KLHL2: variants seen among roughly 807,000 people sequenced by gnomAD.
KLHL2 encodes the protein kelch like family member 2.
Under a neutral mutation model 75.8 loss-of-function variants are expected in KLHL2, and 15 were observed. The observed-to-expected ratio is 0.20, with a 90% CI of 0.13 to 0.30. The LOEUF is 0.30. Ranked by LOEUF, KLHL2 falls within the 10% of genes least tolerant of loss-of-function variation. The probability of loss-of-function intolerance (pLI) is 1.00; values close to 1 mark genes in which losing one functional copy is unlikely to be tolerated. For missense variants in KLHL2, 381 were observed against 741.0 expected (o/e 0.51, Z 5.64); for synonymous variants, 214 against 251.9 (o/e 0.85, Z 1.42).
intron 5 of KLHL2, among the ~76,000 whole-genome samples, chr4:165,290,484 G>C (rs1363348743): frequency 6.6e-6 from 1 of 151,954 alleles, no homozygotes. Context: ...TTGTTTGTTT[G>C]TTTAAATATG....
chr4:165,321,555 A>G (rs1347180379), intron 14 of KLHL2, among the ~76,000 whole-genome samples: 4 of 151,854 alleles, frequency 2.6e-5, no homozygotes, highest in African/African-American at 7.3e-5. Flanking sequence ...GCTATTAGTA[A>G]TTAAATTATG....
intron 11 of KLHL2, among the ~76,000 whole-genome samples, chr4:165,312,233 G>C (rs896149028): frequency 6.6e-6 from 1 of 152,088 alleles, no homozygotes; most frequent in African/African-American, 2.4e-5. Flanking sequence ...CATGGCCTGC[G>C]GTTTGGGGAC....
At position 165,279,458 on chromosome 4, in the gene KLHL2, G is replaced by T. The variant is rs762183375; in HGVS notation, c.545-14901G>T. ...TGTTTTCTCTATACACTCATAGACA[G>T]AATGTAGAATTTCCTTAGGGTCCTG... On this transcript the variant is annotated intron_variant, in intron 5 of 14. Coordinates refer to ENST00000226725, the MANE Select transcript of KLHL2 (RefSeq NM_007246.4). The T allele has an allele frequency of 6.9e-6, 11 of 1,599,554 alleles. No individual in the cohort carries two copies. In the South Asian group the frequency reaches 1.1e-4, roughly 16 times the overall value.
Position 165,321,253 on chromosome 4 carries a change from C to T in KLHL2, c.1754-779C>T. ...TTCCCTTCCACCTCCTCCACCTCTTCTGCCTCTGCCACCCCTGAAACAACA... is the reference window on the plus strand; with the variant it reads ...TTCCCTTCCACCTCCTCCACCTCTTTTGCCTCTGCCACCCCTGAAACAACA... On this transcript the variant is annotated intron_variant, in intron 14 of 14. Transcript: ENST00000226725. The T allele has an allele frequency of 6.6e-6, 3 of 455,904 alleles. No individual in the cohort carries two copies. In the Admixed American group the frequency reaches 7.1e-5, roughly 11 times the overall value. The allele number at this position is 455,904 out of a possible 1,614,324, so 28.2% of individuals were successfully genotyped here. A position where few individuals can be genotyped will look rare whatever the true frequency, so the allele number is the denominator to read the frequency against.
chr4:165,225,043 C>T (rs1441363260), intron 2 of KLHL2, among the ~76,000 whole-genome samples: 1 of 152,174 alleles, frequency 6.6e-6, no homozygotes, highest in Admixed American at 6.5e-5. Context: ...TTAGTATGTT[C>T]AGGCATGTTT....
chr4:165,276,005 G>A (rs542608690), intron 5 of KLHL2, among the ~76,000 whole-genome samples: 11 of 151,688 alleles, frequency 7.3e-5, no homozygotes, highest in African/African-American at 2.7e-4. Flanking sequence ...GCATGTGCTT[G>A]TAGTCCCAGC....
intron 5 of KLHL2, among the ~76,000 whole-genome samples, chr4:165,265,243 CTTGT>C (rs1360422568): frequency 6.6e-6 from 1 of 151,898 alleles, no homozygotes; most frequent in African/African-American, 2.4e-5. Flanking sequence ...TTCTTGCTGA[CTTGT>C]TTGAGTTCCT....
Position 165,207,901 on chromosome 4 carries a change from G to C in KLHL2, c.25G>C (p.Ala9Pro). 7.0e-7 allele frequency: 1 copy of C among 1,432,424 alleles called. No homozygotes were observed. Among genetic ancestry groups the C allele is most frequent in the Non-Finnish European group, 9.2e-7 (1 of 1,085,216 alleles). 88.7% of individuals were successfully genotyped at this position (1,432,424 alleles called of 1,614,324 possible). METPPLPP[A>P]CTKQGHQKPL... ...AATGGAGACGCCGCCGCTGCCTCCCGCGTGAGTGAGCGGGCGGGCGGGCTG... is the reference window on the plus strand; with the variant it reads ...AATGGAGACGCCGCCGCTGCCTCCCCCGTGAGTGAGCGGGCGGGCGGGCTG... The change falls in exon 1 of 15, where the codon GCA (alanine) becomes CCA (proline). Residue 9 changes from alanine (A) to proline (P), a missense_variant and splice_region_variant. By Grantham distance (27) the Ala-to-Pro change is conservative. Around this residue, in one of 5 missense-constraint regions of KLHL2, gnomAD observed 48 missense variants for 88.9 expected, o/e 0.54. Coordinates refer to ENST00000226725, the MANE Select transcript of KLHL2 (RefSeq NM_007246.4). This position sits in a 1 kb window ranked among gnomAD's most constrained non-coding sequence, Gnocchi z 4.2.
At chr4:165,318,083 A>G in intron 14 of KLHL2, 114 bp downstream of exon 14, 1 of 919,548 alleles carries the variant, frequency 1.1e-6, no homozygotes, top group Middle Eastern at 2.2e-4. Context: ...GGTATAGTTT[A>G]TATCTTATTC....
At chr4:165,227,723 G>A (rs1403106288) in intron 2 of KLHL2, among the ~76,000 whole-genome samples, 2 of 152,096 alleles carry the variant, frequency 1.3e-5, no homozygotes, top group Non-Finnish European at 2.9e-5. Flanking sequence ...CATCAGCAAC[G>A]TTTTCTGTTA....
At chr4:165,242,400 T>G (rs1739885597) in intron 4 of KLHL2, among the ~76,000 whole-genome samples, 1 of 152,242 alleles carries the variant, frequency 6.6e-6, no homozygotes, top group African/African-American at 2.4e-5. Context: ...GCACAAAGTT[T>G]TGCATACATT....
At chr4:165,255,934 C>T (rs1286561320) in intron 4 of KLHL2, among the ~76,000 whole-genome samples, 1 of 152,038 alleles carries the variant, frequency 6.6e-6, no homozygotes, top group Non-Finnish European at 1.5e-5. Flanking sequence ...GCTAATGGCT[C>T]AGGATTTAAA....
chr4:165,300,849 A>G (rs1394616150), intron 8 of KLHL2, among the ~76,000 whole-genome samples: 1 of 152,024 alleles, frequency 6.6e-6, no homozygotes, highest in African/African-American at 2.4e-5. Flanking sequence ...TGTCCTTTCC[A>G]TTGAATTGTT....
chr4:165,318,796 T>A lies in KLHL2; in HGVS notation c.1753+827T>A, dbSNP rs538428388. Among the ~76,000 whole-genome samples, 855 of 151,708 alleles carry A rather than the reference T, an allele frequency of 5.6e-3. 11 individuals are homozygous for A. The highest frequency in any genetic ancestry group is 0.019 in the African/African-American group (792 of 41,220). On this transcript the variant is annotated intron_variant, in intron 14 of 14. Transcript: ENST00000226725. ...TTTTTCAATAATTATGTTGGAAAAA[T>A]TTTTTTGGAGATTGGTAACAGTTTG...
chr4:165,252,608 A>G (rs1312695781), intron 4 of KLHL2: 7 of 152,228 alleles, frequency 4.6e-5, no homozygotes, highest in Non-Finnish European at 4.4e-5. Flanking sequence ...TATCATAGCC[A>G]ATGAGGTTTA....
intron 1 of KLHL2, chr4:165,210,292 A>G (rs1030912009): frequency 6.5e-6 from 7 of 1,080,622 alleles, no homozygotes; most frequent in Middle Eastern, 2.0e-4. Flanking sequence ...CCAAATTTAC[A>G]TTGTTCTCAG....
Position 165,322,140 on chromosome 4 carries a change from A to C in KLHL2, c.*80A>C, listed in dbSNP as rs1747032732. The stretch of plus-strand genomic sequence containing the variant: ...TTTGTGAAGTGACTGAGAATCTAGC[A>C]CTTCTCCACTTGTAGCTGCACTTTA... On this transcript the variant is annotated 3_prime_UTR_variant, in exon 15 of 15. Transcript: ENST00000226725. 2 of 1,257,916 alleles carry C rather than the reference A, an allele frequency of 1.6e-6. No homozygotes were observed. Among genetic ancestry groups the C allele is most frequent in the Non-Finnish European group, 2.3e-6 (2 of 856,680 alleles). The allele number at this position is 1,257,916 out of a possible 1,614,324, so 77.9% of individuals were successfully genotyped here. A position where few individuals can be genotyped will look rare whatever the true frequency, so the allele number is the denominator to read the frequency against.
chr4:165,282,220 A>G (rs976005630), intron 5 of KLHL2, among the ~76,000 whole-genome samples: 13 of 152,236 alleles, frequency 8.5e-5, no homozygotes, highest in Admixed American at 7.2e-4. Context: ...CATTTTAGGT[A>G]AATTCTTTGT....
intron 5 of KLHL2, chr4:165,278,203 G>A (rs775594869): frequency 8.8e-6 from 11 of 1,245,626 alleles, no homozygotes; most frequent in Middle Eastern, 1.9e-4. Flanking sequence ...CCATCGTGAC[G>A]GCGGACAAAT....
Sources: allele counts gnomAD v4.1 joint callset (sites outside exome capture counted in the v4.1 genomes callset), GRCh38; gene constraint gnomAD v4.1.1; regional missense constraint gnomAD v4.1.1; non-coding constraint Gnocchi (gnomAD v3.1); transcripts MANE v1.5; gene names NCBI Gene and HGNC (gene_info 2026-07-23, HGNC 2026-07-21).